The following EPHB1 variants were observed in gnomAD, a reference collection of about 807,000 sequenced individuals.
EPHB1 encodes EPH receptor B1.
A neutral mutation model predicts 94.4 loss-of-function variants in EPHB1; 30 were observed. That is an observed-to-expected ratio of 0.32 (90% CI 0.24 to 0.43). The LOEUF (loss-of-function observed/expected upper bound fraction) is 0.43, where lower values mean the gene tolerates loss of function less well. EPHB1 is among the 20% of genes least tolerant of loss of function. The probability of loss-of-function intolerance (pLI) is 1.00; values close to 1 mark genes in which losing one functional copy is unlikely to be tolerated. For missense variants in EPHB1, 1,055 were observed against 1,308.3 expected (o/e 0.81, Z 2.99); for synonymous variants, 522 against 489.1 (o/e 1.07, Z -0.89).
At chr3:135,202,601 A>G (rs1030478017) in intron 12 of EPHB1, among the ~76,000 whole-genome samples, 8 of 152,186 alleles carry the variant, frequency 5.3e-5, no homozygotes, top group Non-Finnish European at 8.8e-5. Flanking sequence ...TAACCTGTCT[A>G]TCTGTCTATC....
intron 13 of EPHB1, among the ~76,000 whole-genome samples, chr3:135,247,520 T>C (rs1943955752): frequency 6.6e-6 from 1 of 152,226 alleles, no homozygotes; most frequent in Non-Finnish European, 1.5e-5. Flanking sequence ...CATAATTGAT[T>C]TAAATGCATT....
chr3:134,799,338 C>T (rs111285851), intron 1 of EPHB1, among the ~76,000 whole-genome samples: 1 of 152,180 alleles, frequency 6.6e-6, no homozygotes. Flanking sequence ...TGTCCATGAA[C>T]GTGCTTGAGC....
At chr3:135,180,739 T>C (rs1196749178) in intron 10 of EPHB1, among the ~76,000 whole-genome samples, 6 of 152,228 alleles carry the variant, frequency 3.9e-5, no homozygotes, top group Non-Finnish European at 7.3e-5. Flanking sequence ...CCTAGACTTA[T>C]TAATGTAAAT....
chr3:134,957,825 T>C (rs959051033), intron 3 of EPHB1, among the ~76,000 whole-genome samples: 5 of 152,192 alleles, frequency 3.3e-5, no homozygotes, highest in African/African-American at 9.7e-5. Context: ...GGAATGAGGA[T>C]GCATGACTTT....
chr3:134,936,340 C>T (rs1344994921), intron 2 of EPHB1, among the ~76,000 whole-genome samples: 1 of 152,084 alleles, frequency 6.6e-6, no homozygotes, highest in African/African-American at 2.4e-5. Context: ...CAAAGAGGAG[C>T]CTGGAGCAGG....
At chr3:134,959,562 C>T (rs1933422573) in intron 3 of EPHB1, among the ~76,000 whole-genome samples, 1 of 152,198 alleles carries the variant, frequency 6.6e-6, no homozygotes, top group South Asian at 2.1e-4. Flanking sequence ...TCTGTGGTTA[C>T]ACATTTCTGC....
At chr3:135,086,166 C>T (rs1007131484) in intron 3 of EPHB1, among the ~76,000 whole-genome samples, 3 of 152,158 alleles carry the variant, frequency 2.0e-5, no homozygotes, top group East Asian at 1.9e-4. Flanking sequence ...AGGAGGGCAT[C>T]CATGTTAGGG....
intron 1 of EPHB1, among the ~76,000 whole-genome samples, chr3:134,827,883 T>C (rs1426756468): frequency 2.6e-5 from 4 of 152,216 alleles, no homozygotes; most frequent in Non-Finnish European, 5.9e-5. Context: ...TTGCATTGCC[T>C]GCCTCTCTGC....
intron 4 of EPHB1, among the ~76,000 whole-genome samples, chr3:135,113,372 A>T (rs571196198): frequency 2.0e-5 from 3 of 152,188 alleles, no homozygotes; most frequent in African/African-American, 7.2e-5. Context: ...GGAATTGTAT[A>T]GCTCTAAGTT....
intron 4 of EPHB1, among the ~76,000 whole-genome samples, chr3:135,122,517 A>G (rs1940012273): frequency 6.6e-6 from 1 of 152,098 alleles, no homozygotes; most frequent in Non-Finnish European, 1.5e-5. Flanking sequence ...TCAACCTTCT[A>G]TCCATCTCCC....
chr3:134,846,076 C>T (rs564538108), intron 1 of EPHB1, among the ~76,000 whole-genome samples: 81 of 152,310 alleles, frequency 5.3e-4, no homozygotes, highest in African/African-American at 1.9e-3. Context: ...TTGGGAGTTG[C>T]ATCTCCTCTG....
At chr3:135,243,027 A>T (rs1943824343) in intron 13 of EPHB1, among the ~76,000 whole-genome samples, 1 of 149,680 alleles carries the variant, frequency 6.7e-6, no homozygotes, top group African/African-American at 2.5e-5. Flanking sequence ...GTGAGCCAAG[A>T]TCGCGCCACT....
chr3:135,116,945 G>A (rs920781048), intron 4 of EPHB1, among the ~76,000 whole-genome samples: 6 of 152,180 alleles, frequency 3.9e-5, no homozygotes, highest in African/African-American at 1.4e-4. Context: ...ATGTCGCATG[G>A]ATGCTAAAGC....
chr3:135,251,101 G>A (rs1357826535), intron 15 of EPHB1, among the ~76,000 whole-genome samples: 1 of 151,742 alleles, frequency 6.6e-6, no homozygotes. Context: ...CCAGGGAGAT[G>A]GTTTGAATGT....
intron 1 of EPHB1, among the ~76,000 whole-genome samples, chr3:134,869,428 G>A (rs2037450048): frequency 1.3e-5 from 2 of 152,146 alleles, no homozygotes; most frequent in South Asian, 4.1e-4. Flanking sequence ...AATTCAGTGG[G>A]AAATAATAGC....
At chr3:134,913,987 G>A (rs1578192588) in intron 1 of EPHB1, among the ~76,000 whole-genome samples, 1 of 152,320 alleles carries the variant, frequency 6.6e-6, no homozygotes, top group Non-Finnish European at 1.5e-5. Context: ...CTCATGCATG[G>A]TGTATGTGGG....
At chr3:134,975,615 T>C (rs1934156835) in intron 3 of EPHB1, among the ~76,000 whole-genome samples, 1 of 152,176 alleles carries the variant, frequency 6.6e-6, no homozygotes, top group Non-Finnish European at 1.5e-5. Flanking sequence ...TTTGCTTACA[T>C]GATCTCATTT....
intron 12 of EPHB1, among the ~76,000 whole-genome samples, chr3:135,203,329 G>C (rs1397347870): frequency 6.6e-6 from 1 of 151,850 alleles, no homozygotes; most frequent in Non-Finnish European, 1.5e-5. Context: ...TGGGTTAATG[G>C]GTGCAACAAA....
intron 3 of EPHB1, among the ~76,000 whole-genome samples, chr3:135,032,719 G>A (rs1936519205): frequency 6.6e-6 from 1 of 152,190 alleles, no homozygotes; most frequent in Non-Finnish European, 1.5e-5. Flanking sequence ...TTTCTCAGAT[G>A]CCTTACAATT....
Sources: allele counts gnomAD v4.1 joint callset (sites outside exome capture counted in the v4.1 genomes callset), GRCh38; gene constraint gnomAD v4.1.1; transcripts MANE v1.5; gene names NCBI Gene and HGNC (gene_info 2026-07-23, HGNC 2026-07-21).